Variants in GABRB1 observed in about 807,000 individuals in gnomAD.
GABRB1 encodes gamma-aminobutyric acid type A receptor subunit beta1, also known as gamma-aminobutyric acid receptor subunit beta-1.
A neutral mutation model predicts 51.6 loss-of-function variants in GABRB1; 17 were observed. The ratio of observed to expected loss-of-function variants is 0.33; its 90% CI spans 0.23 to 0.49. GABRB1 has a LOEUF of 0.49. Among genes scored for constraint, GABRB1 ranks in the 20% least tolerant of loss-of-function variants. The pLI, the probability that GABRB1 is intolerant of heterozygous loss-of-function variation, is 0.99. For missense variants in GABRB1, 410 were observed against 600.6 expected, an observed-to-expected ratio of 0.68 and a Z score of 3.32; for synonymous variants, 247 against 218.9, an observed-to-expected ratio of 1.13 and a Z score of -1.14.
At chr4:47,121,664 TATC>T (rs1482426010) in intron 3 of GABRB1, among the ~76,000 whole-genome samples, 2 of 152,202 alleles carry the variant, frequency 1.3e-5, no homozygotes, top group African/African-American at 2.4e-5. Context: ...GGTATTTCTC[TATC>T]ATAATATATT....
chr4:47,126,165 A>G (rs1385842090), intron 3 of GABRB1, among the ~76,000 whole-genome samples: 1 of 152,084 alleles, frequency 6.6e-6, no homozygotes, highest in African/African-American at 2.4e-5. Flanking sequence ...AGGAAATTAT[A>G]CTAAGTGAAA....
At chr4:47,110,948 G>A (rs1439856140) in intron 3 of GABRB1, among the ~76,000 whole-genome samples, 1 of 152,094 alleles carries the variant, frequency 6.6e-6, no homozygotes, top group Non-Finnish European at 1.5e-5. Flanking sequence ...TGAGGCAAGT[G>A]AATTTAGATT....
intron 5 of GABRB1, among the ~76,000 whole-genome samples, chr4:47,386,350 T>A (rs1015247872): frequency 6.6e-5 from 10 of 152,188 alleles, no homozygotes; most frequent in Admixed American, 2.6e-4. Context: ...GACTAAGGAT[T>A]TTTTTCTGAG....
chr4:47,407,385 T>A (rs560876641), intron 8 of GABRB1, among the ~76,000 whole-genome samples: 33 of 152,338 alleles, frequency 2.2e-4, no homozygotes, highest in African/African-American at 7.7e-4. Context: ...TAACCTTTTC[T>A]CTCAGTGTCC....
chr4:47,196,298 C>A (rs1719677592), intron 4 of GABRB1, among the ~76,000 whole-genome samples: 1 of 152,190 alleles, frequency 6.6e-6, no homozygotes, highest in East Asian at 1.9e-4. Flanking sequence ...CATTTTCAAG[C>A]ATTTTCAGAA....
chr4:47,344,366 C>T lies in GABRB1; in HGVS notation c.544+24157C>T, dbSNP rs917409017. On this transcript the variant is annotated intron_variant, in intron 5 of 8. Coordinates refer to ENST00000295454, the MANE Select transcript of GABRB1 (RefSeq NM_000812.4). ...ATAAAAAGATTCCTAAACAGGTTTA[C>T]CATATATTGTCATGTGCCATCATGA... Among the ~76,000 whole-genome samples the T allele has an allele frequency of 7.2e-5, 11 of 152,148 alleles. No individual in the cohort carries two copies. In the East Asian group the frequency reaches 2.1e-3, roughly 29 times the overall value.
chr4:47,308,277 C>A (rs924500584), intron 4 of GABRB1, among the ~76,000 whole-genome samples: 1 of 152,026 alleles, frequency 6.6e-6, no homozygotes, highest in East Asian at 1.9e-4. Context: ...TGCAAAAAGT[C>A]CACATAGGGG....
chr4:47,122,210 G>T (rs984323257), intron 3 of GABRB1, among the ~76,000 whole-genome samples: 4 of 152,088 alleles, frequency 2.6e-5, no homozygotes, highest in Non-Finnish European at 5.9e-5. Flanking sequence ...ATCATCAGTG[G>T]CCAAGGAAAT....
intron 1 of GABRB1, among the ~76,000 whole-genome samples, chr4:47,000,069 A>C (rs1246536502): frequency 6.6e-6 from 1 of 152,134 alleles, no homozygotes; most frequent in Non-Finnish European, 1.5e-5. Context: ...TGCAATAAAA[A>C]CTTCTCTTTT....
intron 4 of GABRB1, among the ~76,000 whole-genome samples, chr4:47,209,806 A>T (rs1720282757): frequency 6.6e-6 from 1 of 152,120 alleles, no homozygotes; most frequent in Admixed American, 6.6e-5. Context: ...TAGTAAAAAA[A>T]AAAAAATGTA....
At chr4:47,185,321 G>A (rs1035497157) in intron 4 of GABRB1, among the ~76,000 whole-genome samples, 1 of 151,792 alleles carries the variant, frequency 6.6e-6, no homozygotes, top group African/African-American at 2.4e-5. Flanking sequence ...CCAGAAAAAG[G>A]TGACCTTCCT....
At chr4:47,048,242 C>T (rs1057309259) in intron 3 of GABRB1, among the ~76,000 whole-genome samples, 5 of 151,996 alleles carry the variant, frequency 3.3e-5, no homozygotes, top group Admixed American at 2.0e-4. Context: ...ATGACAAGGC[C>T]CTGGGCTAGG....
At chr4:47,056,354 G>A (rs776112033) in intron 3 of GABRB1, among the ~76,000 whole-genome samples, 6 of 152,058 alleles carry the variant, frequency 3.9e-5, no homozygotes, top group Non-Finnish European at 7.4e-5. Context: ...CACTGCTTTT[G>A]TTTCACTCTT....
chr4:47,100,164 C>G (rs947990358), intron 3 of GABRB1, among the ~76,000 whole-genome samples: 1 of 151,248 alleles, frequency 6.6e-6, no homozygotes, highest in Non-Finnish European at 1.5e-5. Context: ...CAATAAAAAT[C>G]AAATAACTAG....
chr4:47,200,759 C>T (rs1160921038), intron 4 of GABRB1, among the ~76,000 whole-genome samples: 2 of 152,130 alleles, frequency 1.3e-5, no homozygotes. Flanking sequence ...ACATTGAAAG[C>T]CACAACTTTA....
intron 4 of GABRB1, among the ~76,000 whole-genome samples, chr4:47,276,931 C>T (rs112979692): frequency 1.5e-4 from 23 of 152,088 alleles, no homozygotes; most frequent in African/African-American, 5.5e-4. Context: ...TGGCCCCAGA[C>T]TGAGAACCAT....
chr4:47,426,116 A>G lies in GABRB1; in HGVS notation c.*98A>G. 1 of 979,608 alleles carries G rather than the reference A, an allele frequency of 1.0e-6. No homozygotes were observed. Among genetic ancestry groups the G allele is most frequent in the Non-Finnish European group, 1.5e-6 (1 of 664,940 alleles). The allele number at this position is 979,608 out of a possible 1,614,324, so 60.7% of individuals were successfully genotyped here. ...CGATACTGCTGTTTCTCGAGGTAAGAGATTCAGCCATCCAATTGGTTTTAG... is the reference window on the plus strand; with the variant it reads ...CGATACTGCTGTTTCTCGAGGTAAGGGATTCAGCCATCCAATTGGTTTTAG... On this transcript the variant is annotated 3_prime_UTR_variant, in exon 9 of 9. Coordinates refer to ENST00000295454, the MANE Select transcript of GABRB1 (RefSeq NM_000812.4).
chr4:47,237,693 G>T (rs1021935700), intron 4 of GABRB1, among the ~76,000 whole-genome samples: 5 of 151,876 alleles, frequency 3.3e-5, no homozygotes, highest in African/African-American at 1.2e-4. Context: ...GCATGAGCAG[G>T]TATGAAGAAC....
chr4:47,149,857 A>G (rs1305326442), intron 3 of GABRB1, among the ~76,000 whole-genome samples: 1 of 151,940 alleles, frequency 6.6e-6, no homozygotes, highest in African/African-American at 2.4e-5. Context: ...CCTTTTCTCA[A>G]GTAATGTCTG....
Sources: allele counts gnomAD v4.1 joint callset (sites outside exome capture counted in the v4.1 genomes callset), GRCh38; gene constraint gnomAD v4.1.1; transcripts MANE v1.5; gene names NCBI Gene and HGNC (gene_info 2026-07-23, HGNC 2026-07-21).